The following SLC26A5 variants were observed in gnomAD, a reference collection of about 807,000 sequenced individuals.
SLC26A5 encodes prestin.
SLC26A5 carries 51 observed loss-of-function variants against 81.0 expected under a neutral mutation model. The observed-to-expected ratio is 0.63, with a 90% confidence interval of 0.50 to 0.80. SLC26A5 has a LOEUF of 0.80. Among genes scored for constraint, SLC26A5 ranks in the 30% least tolerant of loss-of-function variants. The probability of loss-of-function intolerance (pLI) is 0.00; values close to 1 mark genes in which losing one functional copy is unlikely to be tolerated. For synonymous variants in SLC26A5, 325 were observed against 332.8 expected, an observed-to-expected ratio of 0.98 and a Z score of 0.25; for missense variants, 771 against 905.8, an observed-to-expected ratio of 0.85 and a Z score of 1.91.
intron 18 of SLC26A5, among the ~76,000 whole-genome samples, 166 bp downstream of exon 18, chr7:103,377,433 G>A (rs553030303): frequency 6.6e-6 from 1 of 152,080 alleles, no homozygotes; most frequent in African/African-American, 2.4e-5. Context: ...GTTCACGGGG[G>A]TTCAATATAC....
intron 12 of SLC26A5, 57 bp from the exon 13 acceptor site, chr7:103,389,481 C>A: frequency 7.7e-7 from 1 of 1,301,438 alleles, no homozygotes; most frequent in African/African-American, 1.4e-5. Flanking sequence ...GTGTCCTTTG[C>A]TGGTTCCTCA....
At chr7:103,365,500 A>G (rs369215485) in intron 19 of SLC26A5, among the ~76,000 whole-genome samples, 1 of 152,076 alleles carries the variant, frequency 6.6e-6, no homozygotes, top group Non-Finnish European at 1.5e-5. Flanking sequence ...GTGGTGGCGC[A>G]TGTCTGTAAT....
At chr7:103,439,237 G>A (rs1442904042) in intron 2 of SLC26A5, among the ~76,000 whole-genome samples, 1 of 152,128 alleles carries the variant, frequency 6.6e-6, no homozygotes, top group Non-Finnish European at 1.5e-5. Flanking sequence ...GGAAGCACAA[G>A]GGGAGGAATG....
At chr7:103,399,092 A>G (rs554941468) in intron 8 of SLC26A5, among the ~76,000 whole-genome samples, 2 of 152,326 alleles carry the variant, frequency 1.3e-5, no homozygotes, top group African/African-American at 4.8e-5. Context: ...TGCAAAACTC[A>G]AAAAATATTT....
chr7:103,417,302 G>A (rs1439350100), intron 4 of SLC26A5, among the ~76,000 whole-genome samples: 6 of 150,810 alleles, frequency 4.0e-5, no homozygotes, highest in Non-Finnish European at 7.4e-5. Context: ...TCCGGGAGGC[G>A]GAGGTTGCAG....
chr7:103,387,854 T>C (rs142072013), intron 14 of SLC26A5, among the ~76,000 whole-genome samples: 1,654 of 152,126 alleles, frequency 0.011, 35 homozygotes, highest in African/African-American at 0.038. Context: ...GCTAATTTTT[T>C]TGTATTTTTA....
chr7:103,413,155 G>T, intron 4 of SLC26A5, 43 bp from the exon 5 acceptor site: 2 of 1,273,472 alleles, frequency 1.6e-6, no homozygotes, highest in Non-Finnish European at 2.3e-6. Flanking sequence ...ATCATTAGAA[G>T]ACAGAGGTGT....
intron 2 of SLC26A5, among the ~76,000 whole-genome samples, chr7:103,433,783 A>G (rs1194913398): frequency 6.7e-6 from 1 of 149,650 alleles, no homozygotes; most frequent in Non-Finnish European, 1.5e-5. Context: ...GCTCACTGCA[A>G]GCTCCATCTC....
Position 103,379,183 on chromosome 7 carries a change from TCATATCC to T in SLC26A5, c.1677+53_1677+59del, listed in dbSNP as rs148244610. 954 of 1,175,420 alleles carry T rather than the reference TCATATCC, an allele frequency of 8.1e-4. 5 individuals carry two copies. The African/African-American group carries it at 0.013, about 16-fold the overall frequency. The allele number at this position is 1,175,420 out of a possible 1,614,324, so 72.8% of individuals were successfully genotyped here. On this transcript the variant is annotated intron_variant, in intron 16 of 19. Transcript: ENST00000306312. Reference sequence around the variant, plus strand: ...ATATACAAAGGTATACTAGTGATCCTCATATCCCTGTCAACCCACAAATCCCATCCTC... The same window carrying T: ...ATATACAAAGGTATACTAGTGATCCTCTGTCAACCCACAAATCCCATCCTC...
chr7:103,390,647 T>A, intron 11 of SLC26A5, 141 bp from the exon 12 acceptor site: 1 of 747,784 alleles, frequency 1.3e-6, no homozygotes, highest in South Asian at 1.5e-5. Context: ...AACCACTACA[T>A]AACCTATAGC....
At chr7:103,373,095 A>G (rs540641059), downstream of SLC26A5, among the ~76,000 whole-genome samples, 12 of 152,278 alleles carry the variant, frequency 7.9e-5, no homozygotes, top group Admixed American at 2.0e-4. Flanking sequence ...TAGACAACCA[A>G]CTCACAAACT....
At chr7:103,391,215 A>G (rs1197594896) in intron 11 of SLC26A5, among the ~76,000 whole-genome samples, 5 of 152,158 alleles carry the variant, frequency 3.3e-5, no homozygotes. Flanking sequence ...AACTAACCAC[A>G]TTTCAAGTGC....
chr7:103,386,334 G>A (rs1016220451), intron 14 of SLC26A5, among the ~76,000 whole-genome samples: 6 of 151,988 alleles, frequency 3.9e-5, no homozygotes, highest in Non-Finnish European at 7.4e-5. Flanking sequence ...TTGGGAGTCC[G>A]AGGTGGGCAG....
chr7:103,388,339 G>C (rs1459943146), intron 14 of SLC26A5, among the ~76,000 whole-genome samples: 1 of 151,744 alleles, frequency 6.6e-6, no homozygotes, highest in East Asian at 2.0e-4. Flanking sequence ...TGGGATTACA[G>C]GTGTGTGCCA....
At chr7:103,360,653 T>C (rs1204552765) in intron 19 of SLC26A5, among the ~76,000 whole-genome samples, 2 of 152,352 alleles carry the variant, frequency 1.3e-5, no homozygotes, top group Middle Eastern at 3.4e-3. Flanking sequence ...CTGTGGCTTA[T>C]GTAGCAGCTT....
chr7:103,353,960 T>G, intron 19 of SLC26A5: 1 of 1,592,956 alleles, frequency 6.3e-7, no homozygotes, highest in Non-Finnish European at 8.6e-7. Flanking sequence ...AAAACTTATG[T>G]AAGTCCTTTC....
intron 7 of SLC26A5, among the ~76,000 whole-genome samples, chr7:103,409,566 G>A (rs951531265): frequency 6.6e-6 from 1 of 152,086 alleles, no homozygotes; most frequent in Admixed American, 6.6e-5. Flanking sequence ...ATTTCAACAT[G>A]ATCAGTTATT....
chr7:103,444,115 TAA>T (rs1827092108), intron 1 of SLC26A5, among the ~76,000 whole-genome samples: 1 of 152,176 alleles, frequency 6.6e-6, no homozygotes, highest in Admixed American at 6.5e-5. Context: ...AAAGAAGGAT[TAA>T]AAGAGTTCAT....
At chr7:103,397,280 G>C (rs1209620238) in intron 9 of SLC26A5, among the ~76,000 whole-genome samples, 1 of 151,870 alleles carries the variant, frequency 6.6e-6, no homozygotes, top group Non-Finnish European at 1.5e-5. Context: ...GGTGGCTCAT[G>C]CCTGTAATCC....
Sources: allele counts gnomAD v4.1 joint callset (sites outside exome capture counted in the v4.1 genomes callset), GRCh38; gene constraint gnomAD v4.1.1; transcripts MANE v1.5; gene names NCBI Gene and HGNC (gene_info 2026-07-23, HGNC 2026-07-21).